The following ABTB3 variants were observed in gnomAD, a reference collection of about 807,000 sequenced individuals.
ABTB3 encodes ankyrin repeat and BTB domain containing 3.
the ABTB3 span, among the ~76,000 whole-genome samples, chr12:107,541,580 G>A: frequency 6.6e-6 from 1 of 152,380 alleles, no homozygotes; most frequent in East Asian, 1.9e-4. Context: ...GTTGCAGTCT[G>A]GAGACGGAAT....
the ABTB3 span, among the ~76,000 whole-genome samples, chr12:107,632,612 C>T: frequency 2.6e-4 from 39 of 152,280 alleles, no homozygotes; most frequent in Non-Finnish European, 7.4e-5. Flanking sequence ...AATTCAGAGG[C>T]GTAAGGCAAC....
the ABTB3 span, among the ~76,000 whole-genome samples, chr12:107,577,958 T>A: frequency 2.6e-5 from 4 of 152,044 alleles, no homozygotes; most frequent in African/African-American, 7.3e-5. Context: ...TTTTAGTCAC[T>A]TCAAACAACT....
chr12:107,527,586 T>TG, the ABTB3 span, among the ~76,000 whole-genome samples: 1 of 152,032 alleles, frequency 6.6e-6, no homozygotes, highest in Non-Finnish European at 1.5e-5. Context: ...GTTTTTGTTT[T>TG]TTTTTTTTAA....
chr12:107,490,744 G>A, the ABTB3 span, among the ~76,000 whole-genome samples: 1 of 152,170 alleles, frequency 6.6e-6, no homozygotes, highest in Admixed American at 6.5e-5. Context: ...GAGTAACCAA[G>A]TCATAGTGGG....
chr12:107,366,320 G>T, the ABTB3 span, among the ~76,000 whole-genome samples: 1 of 152,156 alleles, frequency 6.6e-6, no homozygotes, highest in Admixed American at 6.6e-5. Flanking sequence ...TCGTACATAA[G>T]GTCTCTGGAT....
chr12:107,564,459 T>C, the ABTB3 span, among the ~76,000 whole-genome samples: 1 of 152,226 alleles, frequency 6.6e-6, no homozygotes, highest in African/African-American at 2.4e-5. Flanking sequence ...TGAGCATCTC[T>C]GTGAGCTAGG....
the ABTB3 span, among the ~76,000 whole-genome samples, chr12:107,444,940 G>C: frequency 2.6e-5 from 4 of 152,158 alleles, no homozygotes; most frequent in African/African-American, 9.7e-5. Flanking sequence ...AGACTGACAG[G>C]CCTGTGATAT....
chr12:107,578,005 C>T, the ABTB3 span, among the ~76,000 whole-genome samples: 1 of 151,300 alleles, frequency 6.6e-6, no homozygotes, highest in African/African-American at 2.4e-5. Context: ...ACATTGTTCT[C>T]TTAAAAAAAA....
At chr12:107,474,795 C>T in the ABTB3 span, among the ~76,000 whole-genome samples, 1,444 of 152,100 alleles carry the variant, frequency 9.5e-3, 39 homozygotes, top group African/African-American at 0.033. Flanking sequence ...GCAGAGTGAG[C>T]TTAACACAGA....
At chr12:107,319,373 A>G in the ABTB3 span, 4 of 1,576,806 alleles carry the variant, frequency 2.5e-6, no homozygotes, top group Non-Finnish European at 2.6e-6. Context: ...GCGCATAGCC[A>G]AAGAGGCGCA....
At chr12:107,378,783 T>C in the ABTB3 span, among the ~76,000 whole-genome samples, 3 of 152,238 alleles carry the variant, frequency 2.0e-5, no homozygotes, top group Admixed American at 6.5e-5. Context: ...ATGGATCTTC[T>C]GTCACTTGTG....
At chr12:107,606,657 C>T in the ABTB3 span, among the ~76,000 whole-genome samples, 1 of 152,208 alleles carries the variant, frequency 6.6e-6, no homozygotes, top group South Asian at 2.1e-4. Context: ...GAAGAAACTC[C>T]AATGGGTGTC....
chr12:107,356,503 T>C, the ABTB3 span, among the ~76,000 whole-genome samples: 1 of 152,214 alleles, frequency 6.6e-6, no homozygotes, highest in Non-Finnish European at 1.5e-5. Context: ...CCTGCCATTC[T>C]CCGTGTGAAG....
At chr12:107,469,121 C>T in the ABTB3 span, among the ~76,000 whole-genome samples, 9 of 152,284 alleles carry the variant, frequency 5.9e-5, no homozygotes, top group South Asian at 2.1e-4. Flanking sequence ...ACACAGACCC[C>T]GGCATGAGAC....
At chr12:107,539,417 G>C in the ABTB3 span, among the ~76,000 whole-genome samples, 1 of 152,162 alleles carries the variant, frequency 6.6e-6, no homozygotes, top group African/African-American at 2.4e-5. Flanking sequence ...ACCCAGCTTA[G>C]CTTCCTTTTT....
the ABTB3 span, among the ~76,000 whole-genome samples, chr12:107,570,855 C>T: frequency 6.6e-6 from 1 of 152,134 alleles, no homozygotes; most frequent in Non-Finnish European, 1.5e-5. Context: ...AAGCTGAGGT[C>T]CAAAGCACCA....
At chr12:107,380,231 A>G in the ABTB3 span, among the ~76,000 whole-genome samples, 1 of 152,170 alleles carries the variant, frequency 6.6e-6, no homozygotes, top group East Asian at 1.9e-4. Flanking sequence ...AGATTATGGA[A>G]GATTGGGAGC....
the ABTB3 span, chr12:107,617,482 TA>T: frequency 6.2e-7 from 1 of 1,605,948 alleles, no homozygotes; most frequent in Non-Finnish European, 8.5e-7. Flanking sequence ...TGGTGTTTGT[TA>T]AAAATGCAGA....
the ABTB3 span, among the ~76,000 whole-genome samples, chr12:107,420,452 G>A: frequency 1.3e-5 from 2 of 152,188 alleles, no homozygotes; most frequent in Non-Finnish European, 2.9e-5. Flanking sequence ...AGCATGTGCA[G>A]GAGAACTGCC....
Sources: allele counts gnomAD v4.1 joint callset (sites outside exome capture counted in the v4.1 genomes callset), GRCh38; gene constraint gnomAD v4.1.1; transcripts MANE v1.5; gene names NCBI Gene and HGNC (gene_info 2026-07-23, HGNC 2026-07-21).